The following RAP1GAP2 variants were observed in gnomAD, a reference collection of about 807,000 sequenced individuals.
RAP1GAP2 encodes the protein rap1 GTPase-activating protein 2.
A neutral mutation model predicts 95.0 loss-of-function variants in RAP1GAP2; 27 were observed. The ratio of observed to expected loss-of-function variants is 0.28; its 90% CI spans 0.21 to 0.39. The LOEUF is 0.39. Ranked by LOEUF, RAP1GAP2 falls within the 10% of genes least tolerant of loss-of-function variation. The pLI is 1.00. For missense variants in RAP1GAP2, 771 were observed against 970.0 expected (o/e 0.79, Z 2.72); for synonymous variants, 373 against 380.9 (o/e 0.98, Z 0.24).
chr17:2,921,595 C>G (rs1387847544), intron 3 of RAP1GAP2, among the ~76,000 whole-genome samples: 1 of 151,900 alleles, frequency 6.6e-6, no homozygotes, highest in Admixed American at 6.6e-5. Context: ...TTTAAGGTGT[C>G]TGCAGGGTCG....
intron 2 of RAP1GAP2, among the ~76,000 whole-genome samples, chr17:2,821,356 G>C (rs1333030097): frequency 1.7e-4 from 25 of 148,456 alleles, no homozygotes. Context: ...TTATCATTCT[G>C]ATGTATTTCT....
At chr17:2,756,100 T>TCCCCTTCGC (rs1164800976) in intron 1 of RAP1GAP2, among the ~76,000 whole-genome samples, 1 of 152,202 alleles carries the variant, frequency 6.6e-6, no homozygotes, top group Non-Finnish European at 1.5e-5. Context: ...GCTTCCGCCT[T>TCCCCTTCGC]CCCCTTCGCC....
chr17:2,815,208 C>T (rs575757794), intron 2 of RAP1GAP2, among the ~76,000 whole-genome samples: 4 of 152,250 alleles, frequency 2.6e-5, no homozygotes, highest in South Asian at 2.1e-4. Flanking sequence ...CACAGCTGCA[C>T]GGGAACCAGT....
chr17:2,940,956 G>A, intron 3 of RAP1GAP2, among the ~76,000 whole-genome samples: 1 of 152,194 alleles, frequency 6.6e-6, no homozygotes, highest in East Asian at 1.9e-4. Context: ...ATCTCAGGCT[G>A]CACCGCCATG....
At chr17:2,805,198 G>C (rs1298101390) in intron 2 of RAP1GAP2, among the ~76,000 whole-genome samples, 3 of 152,168 alleles carry the variant, frequency 2.0e-5, no homozygotes, top group Admixed American at 2.0e-4. Flanking sequence ...AAAGAGGCAG[G>C]CTCAGCGTGT....
intron 2 of RAP1GAP2, among the ~76,000 whole-genome samples, chr17:2,889,346 T>C (rs1266907205): frequency 6.6e-6 from 1 of 152,032 alleles, no homozygotes; most frequent in East Asian, 1.9e-4. Flanking sequence ...CATTTTTGAG[T>C]TCATTCAGTG....
intron 1 of RAP1GAP2, among the ~76,000 whole-genome samples, chr17:2,761,116 A>G (rs920237426): frequency 4.7e-5 from 7 of 149,642 alleles, no homozygotes; most frequent in African/African-American, 1.7e-4. Context: ...CACCATGCCT[A>G]ATTAATTTTT....
intron 10 of RAP1GAP2, 141 bp downstream of exon 10, chr17:2,981,389 C>A: frequency 1.3e-6 from 1 of 759,668 alleles, no homozygotes; most frequent in Non-Finnish European, 2.1e-6. Context: ...CCCTCTCTCC[C>A]TGCCCACCCC....
At chr17:2,881,454 T>C (rs1226630069) in intron 2 of RAP1GAP2, among the ~76,000 whole-genome samples, 6 of 152,204 alleles carry the variant, frequency 3.9e-5, no homozygotes. Context: ...TTCATCCACA[T>C]TGTAGCACGA....
intron 1 of RAP1GAP2, among the ~76,000 whole-genome samples, chr17:2,779,986 C>T (rs2068601695): frequency 6.6e-6 from 1 of 151,984 alleles, no homozygotes; most frequent in Non-Finnish European, 1.5e-5. Context: ...TGAGGTCTAG[C>T]TGGGCCTTCC....
intron 3 of RAP1GAP2, 137 bp downstream of exon 3, chr17:2,905,505 GATGT>G: frequency 3.8e-6 from 3 of 794,170 alleles, no homozygotes; most frequent in Non-Finnish European, 5.9e-6. Context: ...CGGAGGAGGT[GATGT>G]TCAGTTAAGC....
upstream of RAP1GAP2, among the ~76,000 whole-genome samples, chr17:2,795,830 CG>C (rs1019435853): frequency 4.7e-4 from 71 of 152,128 alleles, no homozygotes; most frequent in African/African-American, 1.6e-3. Context: ...GTGTGTGCCG[CG>C]CTGTGCTCAG....
At chr17:2,774,583 T>G (rs907553703), upstream of RAP1GAP2, among the ~76,000 whole-genome samples, 1 of 150,988 alleles carries the variant, frequency 6.6e-6, no homozygotes, top group African/African-American at 2.4e-5. Context: ...GCGATTCTTC[T>G]GTCTCAGCCT....
intron 2 of RAP1GAP2, among the ~76,000 whole-genome samples, chr17:2,808,396 G>A (rs569612477): frequency 2.7e-4 from 41 of 152,200 alleles, no homozygotes; most frequent in African/African-American, 9.4e-4. Context: ...GGCGGGGAAG[G>A]AGGGAGTAAG....
intron 3 of RAP1GAP2, among the ~76,000 whole-genome samples, chr17:2,948,453 G>A (rs1567811267): frequency 1.3e-5 from 2 of 152,122 alleles, no homozygotes; most frequent in Admixed American, 6.5e-5. Flanking sequence ...GCGGCAAGAG[G>A]GAAGGAACAG....
chr17:2,966,836 G>A (rs1428039672), intron 8 of RAP1GAP2, among the ~76,000 whole-genome samples: 1 of 152,190 alleles, frequency 6.6e-6, no homozygotes, highest in African/African-American at 2.4e-5. Context: ...ATCAGACCGA[G>A]ACTGGGTAGC....
chr17:3,018,210 C>T lies in RAP1GAP2; in HGVS notation c.1632+12C>T. The T allele has an allele frequency of 1.9e-6, 3 of 1,554,368 alleles. No individual in the cohort carries two copies. In the African/African-American group the frequency reaches 4.1e-5, roughly 21 times the overall value. The stretch of plus-strand genomic sequence containing the variant: ...AGACCACCTTCTCGGTGAGTGCTGG[C>T]AGGCCCCGGGGCGGCAAGTGGGTCC... On this transcript the variant is annotated intron_variant, in intron 18 of 24. Transcript: ENST00000254695.
chr17:2,917,342 C>T (rs1247105309), intron 3 of RAP1GAP2, among the ~76,000 whole-genome samples: 1 of 152,102 alleles, frequency 6.6e-6, no homozygotes, highest in Non-Finnish European at 1.5e-5. Context: ...GCGATCTCGG[C>T]TCACTGCAAC....
At position 2,964,077 on chromosome 17, in the gene RAP1GAP2, G is replaced by A. The variant is rs1434622001; in HGVS notation, c.492+9G>A. 4 of 1,604,946 alleles carry A rather than the reference G, an allele frequency of 2.5e-6. No individual in the cohort carries two copies. The highest frequency in any genetic ancestry group is 1.7e-5 in the Admixed American group (1 of 59,432). On this transcript the variant is annotated intron_variant, in intron 7 of 24. Coordinates refer to ENST00000254695, the MANE Select transcript of RAP1GAP2 (RefSeq NM_015085.5). ...GGCACTTCCTGGGGAAGGTGAGGCT[G>A]GGGGAGAGGAGCTGCTGGGGGTTGG...
Sources: allele counts gnomAD v4.1 joint callset (sites outside exome capture counted in the v4.1 genomes callset), GRCh38; gene constraint gnomAD v4.1.1; transcripts MANE v1.5; gene names NCBI Gene and HGNC (gene_info 2026-07-23, HGNC 2026-07-21).